Variants in MTAP observed in about 807,000 individuals in gnomAD.
The protein encoded by MTAP is S-methyl-5'-thioadenosine phosphorylase.
MTAP carries 33 observed loss-of-function variants against 33.6 expected under a neutral mutation model. The ratio of observed to expected loss-of-function variants is 0.98; its 90% confidence interval spans 0.74 to 1.31. The LOEUF (loss-of-function observed/expected upper bound fraction) is 1.31. Ranked by LOEUF, MTAP falls within the 40% of genes most tolerant of loss-of-function variation. MTAP has a pLI of 0.00. For synonymous variants in MTAP, 148 were observed against 125.7 expected (o/e 1.18, Z -1.19); for missense variants, 367 against 360.0 (o/e 1.02, Z -0.16).
At chr9:21,882,040 C>A (rs549535919) in intron 1 of MTAP, among the ~76,000 whole-genome samples, 2 of 152,012 alleles carry the variant, frequency 1.3e-5, no homozygotes, top group African/African-American at 4.8e-5. Flanking sequence ...TATTATTCAA[C>A]CTTAAGAAGT....
At chr9:21,814,342 GAA>G (rs1396870312) in intron 1 of MTAP, among the ~76,000 whole-genome samples, 1 of 151,980 alleles carries the variant, frequency 6.6e-6, no homozygotes, top group African/African-American at 2.4e-5. Flanking sequence ...CTTAATCCTG[GAA>G]TTTTTTTCTT....
At chr9:21,881,198 A>G (rs1204820680) in intron 1 of MTAP, among the ~76,000 whole-genome samples, 2 of 152,084 alleles carry the variant, frequency 1.3e-5, no homozygotes, top group Non-Finnish European at 2.9e-5. Context: ...TGAAAACTGG[A>G]TATGCAAATG....
At chr9:21,823,522 T>A (rs1008918036) in intron 4 of MTAP, among the ~76,000 whole-genome samples, 1 of 152,230 alleles carries the variant, frequency 6.6e-6, no homozygotes, top group Non-Finnish European at 1.5e-5. Context: ...TAACCCGACC[T>A]TTCTCTCTGG....
Position 21,817,091 on chromosome 9 carries a change from G to A in MTAP, c.179+319G>A, listed in dbSNP as rs1476352751. Among the ~76,000 whole-genome samples the A allele has an allele frequency of 7.2e-5, 11 of 152,120 alleles. No individual in the cohort carries two copies. The East Asian group carries it at 2.1e-3, about 29-fold the overall frequency. The stretch of plus-strand genomic sequence containing the variant: ...TCTTATAAAGATAAAGAAAAACAAT[G>A]CATCATTAATGACCTCTTGCTGGTA... On this transcript the variant is annotated intron_variant, in intron 3 of 7. Transcript: ENST00000644715.
At chr9:21,915,035 C>T (rs1230213386) in intron 1 of MTAP, among the ~76,000 whole-genome samples, 1,097 of 94,914 alleles carry the variant, frequency 0.012, 115 homozygotes, top group African/African-American at 0.06. Flanking sequence ...TTCCTTCCTT[C>T]CTTCCTTCCT....
chr9:21,899,041 T>C (rs1355478705), intron 1 of MTAP, among the ~76,000 whole-genome samples: 1 of 151,998 alleles, frequency 6.6e-6, no homozygotes, highest in Non-Finnish European at 1.5e-5. Flanking sequence ...CACCATGGAA[T>C]ACTATGCAGC....
In MTAP at chr9:21,826,854, G is replaced by A. The variant is rs78259241; in HGVS notation, c.347+8652G>A. ...AGAAGGTGAGCCGTGGGGCGAGAGCGAGCATTACCACCTGAGCTCCCCATC... is the reference window on the plus strand; with the variant it reads ...AGAAGGTGAGCCGTGGGGCGAGAGCAAGCATTACCACCTGAGCTCCCCATC... On this transcript the variant is annotated intron_variant, in intron 4 of 7. Coordinates refer to ENST00000644715, the MANE Select transcript of MTAP (RefSeq NM_002451.4). Among the ~76,000 whole-genome samples, 1,394 of 152,082 alleles carry A rather than the reference G, an allele frequency of 9.2e-3. 16 individuals carry two copies. Among genetic ancestry groups the A allele is most frequent in the Non-Finnish European group, 0.012 (800 of 67,976 alleles).
At chr9:21,841,310 G>C (rs547726452) in intron 5 of MTAP, among the ~76,000 whole-genome samples, 1 of 152,334 alleles carries the variant, frequency 6.6e-6, no homozygotes, top group Admixed American at 6.5e-5. Context: ...CTCCTGGCTG[G>C]AGGCCAGTCA....
At chr9:21,816,094 T>G (rs1824467387) in intron 2 of MTAP, among the ~76,000 whole-genome samples, 1 of 152,136 alleles carries the variant, frequency 6.6e-6, no homozygotes, top group African/African-American at 2.4e-5. Flanking sequence ...TTCTCCTAAT[T>G]CCATATTGCT....
chr9:21,892,045 A>C (rs929915786), intron 1 of MTAP: 1 of 152,188 alleles, frequency 6.6e-6, no homozygotes, highest in Non-Finnish European at 1.5e-5. Flanking sequence ...GAAAACGAGA[A>C]ATAAAATCTT....
chr9:21,909,240 T>G (rs762650490), intron 1 of MTAP, among the ~76,000 whole-genome samples: 3 of 152,116 alleles, frequency 2.0e-5, no homozygotes, highest in Non-Finnish European at 4.4e-5. Context: ...ATATTTTTAC[T>G]GGGTATAGGA....
At chr9:21,913,103 C>T (rs1460820762) in intron 1 of MTAP, among the ~76,000 whole-genome samples, 1 of 152,156 alleles carries the variant, frequency 6.6e-6, no homozygotes. Context: ...AGGAGAACTA[C>T]AAACCACTGC....
At chr9:21,908,458 A>G (rs191366557) in intron 1 of MTAP, among the ~76,000 whole-genome samples, 2 of 152,230 alleles carry the variant, frequency 1.3e-5, no homozygotes, top group East Asian at 3.9e-4. Flanking sequence ...GTTAATTTCT[A>G]TGAGATAAAT....
intron 1 of MTAP, chr9:21,929,911 T>C (rs1011613339): frequency 1.5e-5 from 6 of 389,406 alleles, no homozygotes; most frequent in Non-Finnish European, 2.5e-5. Flanking sequence ...TCTCTGTAGA[T>C]TCTAACCAAC....
intron 1 of MTAP, among the ~76,000 whole-genome samples, chr9:21,897,688 C>G (rs548537685): frequency 2.5e-3 from 378 of 152,248 alleles, no homozygotes; most frequent in Non-Finnish European, 3.9e-3. Context: ...TGTGAAGGAC[C>G]TCTTCAAGAA....
intron 1 of MTAP, among the ~76,000 whole-genome samples, chr9:21,806,813 C>T (rs1029140859): frequency 2.0e-5 from 3 of 152,108 alleles, no homozygotes; most frequent in Non-Finnish European, 2.9e-5. Flanking sequence ...CTGGAGGGCT[C>T]CTGCAGTGTA....
chr9:21,935,639 G>A (rs567904379), downstream of MTAP: 7 of 152,212 alleles, frequency 4.6e-5, no homozygotes, highest in African/African-American at 1.7e-4. Context: ...AGACTCTTCT[G>A]AGCTACGTTT....
At chr9:21,921,826 T>G (rs1818792165) in intron 1 of MTAP, among the ~76,000 whole-genome samples, 1 of 151,844 alleles carries the variant, frequency 6.6e-6, no homozygotes, top group African/African-American at 2.4e-5. Context: ...AACATAATAA[T>G]AACAATTAGC....
At chr9:21,914,197 T>C (rs189421937) in intron 1 of MTAP, among the ~76,000 whole-genome samples, 87 of 152,310 alleles carry the variant, frequency 5.7e-4, no homozygotes, top group Non-Finnish European at 9.0e-4. Context: ...TGTAAACTAG[T>C]TCAACCATTG....
Sources: allele counts gnomAD v4.1 joint callset (sites outside exome capture counted in the v4.1 genomes callset), GRCh38; gene constraint gnomAD v4.1.1; transcripts MANE v1.5; gene names NCBI Gene and HGNC (gene_info 2026-07-23, HGNC 2026-07-21).